MSTO1: variants seen among roughly 807,000 people sequenced by gnomAD.
MSTO1 encodes protein misato homolog 1.
In MSTO1, 24 loss-of-function variants were observed where a neutral mutation model predicts 55.7. That is an observed-to-expected ratio of 0.43 (90% CI 0.31 to 0.61). MSTO1 has a LOEUF of 0.61. Ranked by LOEUF, MSTO1 falls within the 20% of genes least tolerant of loss-of-function variation. MSTO1 has a pLI of 0.09. For missense variants in MSTO1, 363 were observed against 625.7 expected (o/e 0.58, Z 4.48); for synonymous variants, 162 against 252.8 (o/e 0.64, Z 3.41).
upstream of MSTO1, among the ~76,000 whole-genome samples, chr1:155,609,243 A>ATATTTTTTTTT (rs59756178): frequency 5.5e-5 from 3 of 54,576 alleles, no homozygotes; most frequent in African/African-American, 7.3e-5. Flanking sequence ...ATATATATAT[A>ATATTTTTTTTT]TTTTTTTTTT....
At chr1:155,572,915 G>A in the MSTO1 span, among the ~76,000 whole-genome samples, 6 of 152,048 alleles carry the variant, frequency 3.9e-5, no homozygotes, top group Non-Finnish European at 8.8e-5. Flanking sequence ...CTCCCAAAGT[G>A]CTCAGATGAC....
the MSTO1 span, among the ~76,000 whole-genome samples, chr1:155,578,487 C>T: frequency 2.0e-5 from 3 of 147,338 alleles, no homozygotes; most frequent in African/African-American, 5.0e-5. Flanking sequence ...TACAGGCATG[C>T]GCCACCACGC....
chr1:155,603,596 G>A, the MSTO1 span, among the ~76,000 whole-genome samples: 1 of 152,028 alleles, frequency 6.6e-6, no homozygotes, highest in African/African-American at 2.4e-5. Flanking sequence ...AGTGGCTCAC[G>A]TCTGTAATCC....
At chr1:155,581,871 A>G in the MSTO1 span, among the ~76,000 whole-genome samples, 2 of 147,548 alleles carry the variant, frequency 1.4e-5, no homozygotes, top group African/African-American at 2.5e-5. Context: ...TTGGCTCACT[A>G]CAACCTCCGC....
upstream of MSTO1, among the ~76,000 whole-genome samples, chr1:155,608,877 T>G (rs1317511074): frequency 2.0e-5 from 3 of 151,388 alleles, no homozygotes; most frequent in Non-Finnish European, 2.9e-5. Context: ...CAGGCTGGAG[T>G]GCAGTGGCGT....
At chr1:155,605,206 A>C (rs1436188993), upstream of MSTO1, among the ~76,000 whole-genome samples, 1 of 152,218 alleles carries the variant, frequency 6.6e-6, no homozygotes, top group African/African-American at 2.4e-5. Context: ...GGTTGCAGTG[A>C]GCTGAGATTG....
In MSTO1 at chr1:155,614,609, C is replaced by G; in HGVS notation, c.*336C>G. 2.7e-6 allele frequency: 2 copies of G among 745,030 alleles called. No individual in the cohort carries two copies. Among genetic ancestry groups the G allele is most frequent in the East Asian group, 2.7e-5 (1 of 37,372 alleles). 46.2% of individuals were successfully genotyped at this position (745,030 alleles called of 1,614,324 possible). ...TTTGTCCTTGTCCTGGCCTCCTGCTCTCCAGATCTGTAAACTGGGCTCAAG... is the reference window on the plus strand; with the variant it reads ...TTTGTCCTTGTCCTGGCCTCCTGCTGTCCAGATCTGTAAACTGGGCTCAAG... On this transcript the variant is annotated 3_prime_UTR_variant, in exon 14 of 14. Coordinates refer to ENST00000245564, the MANE Select transcript of MSTO1 (RefSeq NM_018116.4).
At chr1:155,610,813 C>A in intron 2 of MSTO1, 1 of 226,860 alleles carries the variant, frequency 4.4e-6, no homozygotes, top group South Asian at 3.4e-5. Flanking sequence ...GGATGTGGTT[C>A]CCCCCGCGTC....
At chr1:155,607,945 C>T (rs577468143), upstream of MSTO1, among the ~76,000 whole-genome samples, 157 of 152,168 alleles carry the variant, frequency 1.0e-3, no homozygotes, top group African/African-American at 3.6e-3. Flanking sequence ...TTCAGTGAGC[C>T]GGGAGATTGC....
chr1:155,574,196 AAAAAC>A, the MSTO1 span, among the ~76,000 whole-genome samples: 1 of 152,164 alleles, frequency 6.6e-6, no homozygotes, highest in Admixed American at 6.6e-5. Context: ...CATCTCAACA[AAAAAC>A]ACAAAAATTA....
At chr1:155,606,682 C>T (rs369606296), upstream of MSTO1, among the ~76,000 whole-genome samples, 5 of 151,534 alleles carry the variant, frequency 3.3e-5, no homozygotes, top group Admixed American at 2.0e-4. Flanking sequence ...TGTGAGCCAT[C>T]GTACCCAGCC....
upstream of MSTO1, among the ~76,000 whole-genome samples, chr1:155,608,652 G>A (rs543398605): frequency 1.9e-3 from 282 of 151,468 alleles, 2 homozygotes; most frequent in Middle Eastern, 0.031. Flanking sequence ...GGTCGCGCCC[G>A]TCACCACGCC....
the MSTO1 span, among the ~76,000 whole-genome samples, chr1:155,573,167 C>G: frequency 6.6e-6 from 1 of 152,228 alleles, no homozygotes; most frequent in South Asian, 2.1e-4. Flanking sequence ...CTTGGCTGCA[C>G]ATTGGAATAA....
chr1:155,577,575 A>T, the MSTO1 span, among the ~76,000 whole-genome samples: 4 of 152,140 alleles, frequency 2.6e-5, no homozygotes, highest in Non-Finnish European at 4.4e-5. Flanking sequence ...CCATGTTGAA[A>T]ATCAGTTGAC....
the MSTO1 span, among the ~76,000 whole-genome samples, chr1:155,600,897 C>T: frequency 5.3e-5 from 8 of 149,984 alleles, no homozygotes; most frequent in Admixed American, 1.3e-4. Context: ...AGTATGGTCT[C>T]GATCTCCTGA....
At chr1:155,607,175 GT>G (rs1385088913), upstream of MSTO1, among the ~76,000 whole-genome samples, 4 of 150,728 alleles carry the variant, frequency 2.7e-5, no homozygotes, top group Admixed American at 1.3e-4. Flanking sequence ...ATGAATTTAG[GT>G]TTTTTGTTTG....
intron 9 of MSTO1, 132 bp from the exon 10 acceptor site, chr1:155,612,712 C>A: frequency 7.1e-7 from 1 of 1,408,720 alleles, no homozygotes; most frequent in Non-Finnish European, 9.7e-7. Context: ...ATCACACTGT[C>A]CTATGCTTGT....
chr1:155,580,118 G>C, the MSTO1 span, among the ~76,000 whole-genome samples: 8 of 151,588 alleles, frequency 5.3e-5, no homozygotes, highest in African/African-American at 1.9e-4. Flanking sequence ...TTCTCTCTGG[G>C]TATAGTGGCT....
the MSTO1 span, chr1:155,598,928 T>TAA: frequency 7.3e-7 from 1 of 1,369,156 alleles, no homozygotes; most frequent in South Asian, 1.2e-5. Flanking sequence ...AAGAACTTCC[T>TAA]GTCTTGTCTT....
Sources: allele counts gnomAD v4.1 joint callset (sites outside exome capture counted in the v4.1 genomes callset), GRCh38; gene constraint gnomAD v4.1.1; transcripts MANE v1.5; gene names NCBI Gene and HGNC (gene_info 2026-07-23, HGNC 2026-07-21).